Variants in ZNF589 observed in about 807,000 individuals in gnomAD.
ZNF589 encodes the protein zinc finger protein 589.
A neutral mutation model predicts 13.6 loss-of-function variants in ZNF589; 17 were observed. That is an observed-to-expected ratio of 1.25 (90% CI 0.86 to 1.88). The LOEUF is 1.88. ZNF589 is among the 40% of genes most tolerant of loss of function. ZNF589 has a pLI of 0.00. For synonymous variants in ZNF589, 148 were observed against 161.6 expected (o/e 0.92, Z 0.64); for missense variants, 407 against 434.0 (o/e 0.94, Z 0.55).
At chr3:48,249,963 A>G (rs1439371767) in intron 2 of ZNF589, among the ~76,000 whole-genome samples, 1 of 152,116 alleles carries the variant, frequency 6.6e-6, no homozygotes, top group Non-Finnish European at 1.5e-5. Context: ...ACCCATCACT[A>G]CTAAAAATAC....
intron 3 of ZNF589, among the ~76,000 whole-genome samples, chr3:48,265,329 A>G (rs1002708834): frequency 1.8e-5 from 2 of 111,732 alleles, no homozygotes; most frequent in Non-Finnish European, 3.3e-5. Flanking sequence ...CTTGTGGCCC[A>G]GGCTGGAGTG....
At position 48,268,188 on chromosome 3, in the gene ZNF589, G is replaced by T. The variant is rs993509664; in HGVS notation, c.497G>T (p.Gly166Val). 6.2e-7 allele frequency: 1 copy of T among 1,611,448 alleles called. No individual in the cohort carries two copies. The highest frequency in any genetic ancestry group is 1.3e-5 in the African/African-American group (1 of 74,948). Residue 166 changes from glycine to valine, a missense_variant, in exon 4 of 4, where the codon GGT becomes GTT. Gly to Val is a moderately radical substitution (Grantham distance 109). Coordinates refer to ENST00000354698, the MANE Select transcript of ZNF589 (RefSeq NM_016089.3). ...WSTNERGALV[G>V]FSSLFQRPPI... is the part of the protein sequence containing the mutation. ...ACAAATGAAAGGGGGGCTTTAGTGG[G>T]TTTCTCTAGCCTGTTCCAGAGACCA...
At chr3:48,257,025 A>G in intron 2 of ZNF589, 1 of 542,988 alleles carries the variant, frequency 1.8e-6, no homozygotes, top group Non-Finnish European at 3.5e-6. Flanking sequence ...CAAGTGTGGT[A>G]TGTAATTCTT....
chr3:48,246,058 A>G (rs1043453920), intron 1 of ZNF589, among the ~76,000 whole-genome samples: 1 of 151,988 alleles, frequency 6.6e-6, no homozygotes, highest in Non-Finnish European at 1.5e-5. Context: ...CATGCCTATA[A>G]TCCCAGCACT....
chr3:48,257,235 AGTTTTT>A (rs1156407715), intron 2 of ZNF589, among the ~76,000 whole-genome samples: 3 of 151,602 alleles, frequency 2.0e-5, no homozygotes, highest in Admixed American at 6.6e-5. Flanking sequence ...TATAGTAAAA[AGTTTTT>A]GTTTTTGTTT....
rs866688939 is a variant in ZNF589 at position 48,246,386 on chromosome 3, G to C, written c.44-1239G>C. ...CAAGCTGCGCTTTAGAAATGCTGTT[G>C]TAATGGTCTTTAATACTTTTTTCTC... On this transcript the variant is annotated intron_variant, in intron 1 of 3. Transcript: ENST00000354698. Among the ~76,000 whole-genome samples, 22 of 152,342 alleles carry C rather than the reference G, an allele frequency of 1.4e-4. No individual in the cohort carries two copies. The Middle Eastern group carries it at 0.014, about 94-fold the overall frequency.
intron 2 of ZNF589, among the ~76,000 whole-genome samples, chr3:48,249,954 C>G (rs2033819136): frequency 6.6e-6 from 1 of 152,070 alleles, no homozygotes; most frequent in Admixed American, 6.6e-5. Context: ...ATGGTGAAAA[C>G]CCATCACTAC....
intron 3 of ZNF589, among the ~76,000 whole-genome samples, chr3:48,262,512 C>T (rs1282672272): frequency 6.6e-6 from 1 of 152,130 alleles, no homozygotes; most frequent in Non-Finnish European, 1.5e-5. Context: ...TATATAACCA[C>T]AGTATCATGA....
Position 48,256,894 on chromosome 3 carries a change from C to G in ZNF589, c.97-3919C>G, listed in dbSNP as rs78786790. 0.013 allele frequency: 11,279 copies of G among 839,628 alleles called. 767 individuals carry two copies. In the African/African-American group the frequency reaches 0.16, roughly 12 times the overall value. The allele number at this position is 839,628 out of a possible 1,614,324, so 52.0% of individuals were successfully genotyped here. ...CTGCTGGGCCTGCTAGGAGCCCACACGGAAGCTGCCCACAGCCAGACACCA... is the reference window on the plus strand; with the variant it reads ...CTGCTGGGCCTGCTAGGAGCCCACAGGGAAGCTGCCCACAGCCAGACACCA... On this transcript the variant is annotated intron_variant, in intron 2 of 3. Coordinates refer to ENST00000354698, the MANE Select transcript of ZNF589 (RefSeq NM_016089.3).
chr3:48,244,382 G>C (rs2033736641), intron 1 of ZNF589, among the ~76,000 whole-genome samples: 1 of 152,224 alleles, frequency 6.6e-6, no homozygotes, highest in South Asian at 2.1e-4. Context: ...CAGGAAAACA[G>C]TAACTTGGAA....
At chr3:48,250,620 C>T (rs879510853) in intron 2 of ZNF589, among the ~76,000 whole-genome samples, 12 of 151,816 alleles carry the variant, frequency 7.9e-5, no homozygotes, top group Non-Finnish European at 1.2e-4. Context: ...TACAAGCATG[C>T]GACACCACGC....
intron 2 of ZNF589, among the ~76,000 whole-genome samples, chr3:48,252,118 T>C (rs886812767): frequency 1.3e-5 from 2 of 152,128 alleles, no homozygotes; most frequent in African/African-American, 4.8e-5. Flanking sequence ...ACATTTGTAT[T>C]GTGCTCCTCA....
intron 2 of ZNF589, among the ~76,000 whole-genome samples, chr3:48,254,626 A>G (rs2033878221): frequency 6.6e-6 from 1 of 152,194 alleles, no homozygotes; most frequent in African/African-American, 2.4e-5. Context: ...TGTTTAGATC[A>G]TCTTTGATTT....
At chr3:48,267,478 C>T (rs2106849964) in intron 3 of ZNF589, among the ~76,000 whole-genome samples, 1 of 151,928 alleles carries the variant, frequency 6.6e-6, no homozygotes, top group Non-Finnish European at 1.5e-5. Context: ...CTCACTGCAA[C>T]CTCTGCCTCC....
chr3:48,241,319 T>C, intron 1 of ZNF589, 105 bp downstream of exon 1: 1 of 1,419,206 alleles, frequency 7.0e-7, no homozygotes, highest in Admixed American at 2.0e-5. Flanking sequence ...GTGCGAGCTG[T>C]GTGAGGCGCT....
chr3:48,269,889 G>C lies in ZNF589; in HGVS notation c.*1103G>C, dbSNP rs886633574. ...GAGAGTAAGGTGTTGGCTGGAAGTG[G>C]CCCCTTAAGAGATACTTGGAGTCAA... On this transcript the variant is annotated 3_prime_UTR_variant, in exon 4 of 4. Coordinates refer to ENST00000354698, the MANE Select transcript of ZNF589 (RefSeq NM_016089.3). The C allele has an allele frequency of 5.4e-6, 2 of 372,330 alleles. No individual in the cohort carries two copies. Among genetic ancestry groups the C allele is most frequent in the African/African-American group, 4.2e-5 (2 of 47,092 alleles). The allele number at this position is 372,330 out of a possible 1,614,324, so 23.1% of individuals were successfully genotyped here. A position where few individuals can be genotyped will look rare whatever the true frequency, so the allele number is the denominator to read the frequency against.
Position 48,267,920 on chromosome 3 carries a change from T to A in ZNF589, c.229T>A (p.Ser77Thr), listed in dbSNP as rs376042768. The A allele has an allele frequency of 6.2e-7, 1 of 1,605,130 alleles. No homozygotes were observed. The highest frequency in any genetic ancestry group is 1.3e-5 in the African/African-American group (1 of 74,750). Residue 77 changes from serine to threonine, a missense_variant, in exon 4 of 4, where the codon TCA becomes ACA. By Grantham distance (58) the Ser-to-Thr change is moderately conservative (BLOSUM62 1). Transcript: ENST00000354698. The part of the protein sequence containing the change: ...NLRNLVSLAE[S>T]KPEVHTCPSC... ...TGGAAACTTTCTTTCTTCAGCAGAA[T>A]CAAAGCCAGAAGTCCATACCTGCCC...
chr3:48,244,429 T>TTA (rs1283359187), intron 1 of ZNF589, among the ~76,000 whole-genome samples: 1 of 152,036 alleles, frequency 6.6e-6, no homozygotes, highest in African/African-American at 2.4e-5. Context: ...GACTATAATT[T>TTA]TATATATATA....
At chr3:48,250,603 C>G (rs1223705264) in intron 2 of ZNF589, among the ~76,000 whole-genome samples, 1 of 150,438 alleles carries the variant, frequency 6.6e-6, no homozygotes, top group Non-Finnish European at 1.5e-5. Flanking sequence ...TCCTGAGAAG[C>G]TGGGATTACA....
Sources: allele counts gnomAD v4.1 joint callset (sites outside exome capture counted in the v4.1 genomes callset), GRCh38; gene constraint gnomAD v4.1.1; transcripts MANE v1.5; gene names NCBI Gene and HGNC (gene_info 2026-07-23, HGNC 2026-07-21).